Variants in FANCC observed in about 807,000 individuals in gnomAD.
FANCC encodes Fanconi anemia group C protein.
A neutral mutation model predicts 71.3 loss-of-function variants in FANCC; 55 were observed. That is an observed-to-expected ratio of 0.77 (90% CI 0.62 to 0.97). The LOEUF is 0.97. FANCC is among the 50% of genes least tolerant of loss of function. The pLI is 0.00. For synonymous variants in FANCC, 275 were observed against 244.9 expected (o/e 1.12, Z -1.15); for missense variants, 678 against 670.9 (o/e 1.01, Z -0.12).
At chr9:95,190,585 T>C (rs1827026522) in intron 4 of FANCC, among the ~76,000 whole-genome samples, 1 of 152,160 alleles carries the variant, frequency 6.6e-6, no homozygotes, top group Non-Finnish European at 1.5e-5. Flanking sequence ...TGCACCCTCT[T>C]GCTTGCCCAC....
At chr9:95,285,497 T>C (rs900026415) in intron 1 of FANCC, among the ~76,000 whole-genome samples, 24 of 152,146 alleles carry the variant, frequency 1.6e-4, no homozygotes, top group African/African-American at 5.8e-4. Flanking sequence ...TACTAAATGC[T>C]GACTAAATGA....
chr9:95,157,224 C>T (rs1330632354), intron 6 of FANCC, among the ~76,000 whole-genome samples: 1 of 151,998 alleles, frequency 6.6e-6, no homozygotes, highest in Non-Finnish European at 1.5e-5. Flanking sequence ...CAAAAAGTCT[C>T]AGAAAATATA....
chr9:95,197,574 T>C (rs1382353812), intron 4 of FANCC, among the ~76,000 whole-genome samples: 1 of 152,122 alleles, frequency 6.6e-6, no homozygotes, highest in Non-Finnish European at 1.5e-5. Flanking sequence ...AGGAACTGTA[T>C]GGTAGTTATA....
chr9:95,162,697 G>A lies in FANCC; in HGVS notation c.521+8382C>T, dbSNP rs535564593. ...ATCTTATTATGGTTCTGATTATCAT[G>A]TCCCTGATAACTGGTGATGTTGGGC... On this transcript the variant is annotated intron_variant, in intron 6 of 14. Transcript: ENST00000289081. 4.2e-4 allele frequency among the ~76,000 whole-genome samples: 64 copies of A among 152,202 alleles called. 1 individual carries two copies. In the South Asian group the frequency reaches 5.2e-3, roughly 12 times the overall value.
chr9:95,141,369 A>G (rs1246239155), intron 7 of FANCC, among the ~76,000 whole-genome samples: 1 of 148,964 alleles, frequency 6.7e-6, no homozygotes, highest in Non-Finnish European at 1.5e-5. Flanking sequence ...AGTTTCCATC[A>G]TGGATAAACA....
At chr9:95,119,877 A>G (rs2072732491) in intron 10 of FANCC, among the ~76,000 whole-genome samples, 1 of 152,050 alleles carries the variant, frequency 6.6e-6, no homozygotes, top group Non-Finnish European at 1.5e-5. Context: ...ACGTTCAGCT[A>G]AATTTTGTAT....
intron 6 of FANCC, among the ~76,000 whole-genome samples, chr9:95,161,713 T>C (rs1188453802): frequency 6.6e-6 from 1 of 152,226 alleles, no homozygotes; most frequent in African/African-American, 2.4e-5. Flanking sequence ...TGTCCTTATA[T>C]GCAACAGATC....
At chr9:95,280,186 A>T (rs1833301875) in intron 1 of FANCC, among the ~76,000 whole-genome samples, 1 of 152,146 alleles carries the variant, frequency 6.6e-6, no homozygotes. Context: ...GCTATTAGAG[A>T]TGGAGAGGGA....
chr9:95,226,672 A>G (rs1829639700), intron 4 of FANCC, among the ~76,000 whole-genome samples: 1 of 152,214 alleles, frequency 6.6e-6, no homozygotes, highest in African/African-American at 2.4e-5. Context: ...TCCTTCTTAG[A>G]GGAAGACAAA....
At chr9:95,142,012 G>A (rs1214658511) in intron 7 of FANCC, among the ~76,000 whole-genome samples, 12 of 44,568 alleles carry the variant, frequency 2.7e-4, no homozygotes, top group Admixed American at 2.7e-3. Context: ...TTTTTTTTGA[G>A]GCAGAGTTTT....
intron 1 of FANCC, chr9:95,293,768 T>G: frequency 3.7e-6 from 6 of 1,613,978 alleles, no homozygotes; most frequent in Non-Finnish European, 3.4e-6. Flanking sequence ...CTGCTCAGAC[T>G]GATGCATTTA....
In FANCC at chr9:95,116,790, G is replaced by C. The variant is rs561698514; in HGVS notation, c.1072+525C>G. On this transcript the variant is annotated intron_variant, in intron 11 of 14. Coordinates refer to ENST00000289081, the MANE Select transcript of FANCC (RefSeq NM_000136.3). Reference sequence around the variant, plus strand: ...CCAGCTGGATAGCCTTTGGAAGGCTGGCAAAGGATATCAGGAGAGGCTGTG... The same window carrying C: ...CCAGCTGGATAGCCTTTGGAAGGCTCGCAAAGGATATCAGGAGAGGCTGTG... 1.2e-4 allele frequency among the ~76,000 whole-genome samples: 19 copies of C among 152,350 alleles called. No homozygotes were observed. In the South Asian group the frequency reaches 3.9e-3, roughly 32 times the overall value.
At chr9:95,241,192 G>A (rs1564786809) in intron 3 of FANCC, among the ~76,000 whole-genome samples, 1 of 152,130 alleles carries the variant, frequency 6.6e-6, no homozygotes, top group African/African-American at 2.4e-5. Context: ...ATAGGCAGTT[G>A]GTAGCCAGTA....
At chr9:95,201,832 T>C (rs1827825310) in intron 4 of FANCC, among the ~76,000 whole-genome samples, 1 of 152,234 alleles carries the variant, frequency 6.6e-6, no homozygotes, top group Admixed American at 6.5e-5. Flanking sequence ...CTGTAGATCC[T>C]TTTTTAAGTC....
intron 4 of FANCC, among the ~76,000 whole-genome samples, chr9:95,195,435 G>A (rs1827391075): frequency 5.3e-5 from 8 of 151,856 alleles, no homozygotes; most frequent in Admixed American, 5.3e-4. Context: ...TATTTGTGTG[G>A]GTCTATTTCC....
intron 6 of FANCC, among the ~76,000 whole-genome samples, chr9:95,166,939 T>C (rs1268706686): frequency 6.6e-6 from 1 of 152,206 alleles, no homozygotes; most frequent in East Asian, 1.9e-4. Context: ...TAATATTCTT[T>C]CATTTCAACT....
chr9:95,305,109 A>G (rs1036131068), intron 1 of FANCC, among the ~76,000 whole-genome samples: 1 of 152,176 alleles, frequency 6.6e-6, no homozygotes, highest in African/African-American at 2.4e-5. Flanking sequence ...AGGTTTCCCC[A>G]AAAGTCCAAC....
At chr9:95,110,900 GCT>G in intron 13 of FANCC, 6 of 1,284,548 alleles carry the variant, frequency 4.7e-6, no homozygotes, top group Non-Finnish European at 5.9e-6. Flanking sequence ...ATACTTAGCT[GCT>G]CTGTTATTTA....
chr9:95,207,784 A>G (rs1828226105), intron 4 of FANCC, among the ~76,000 whole-genome samples: 1 of 152,168 alleles, frequency 6.6e-6, no homozygotes, highest in African/African-American at 2.4e-5. Context: ...AAGCTGCTGG[A>G]GCCATAAAGC....
Sources: allele counts gnomAD v4.1 joint callset (sites outside exome capture counted in the v4.1 genomes callset), GRCh38; gene constraint gnomAD v4.1.1; transcripts MANE v1.5; gene names NCBI Gene and HGNC (gene_info 2026-07-23, HGNC 2026-07-21).